Variants in TMEM132D observed in about 807,000 individuals in gnomAD.
The protein encoded by TMEM132D is transmembrane protein 132D.
Under a neutral mutation model 62.3 loss-of-function variants are expected in TMEM132D, and 21 were observed. That is an observed-to-expected ratio of 0.34 (90% confidence interval 0.24 to 0.49). The LOEUF is 0.49. Among genes scored for constraint, TMEM132D ranks in the 20% least tolerant of loss-of-function variants. The probability of loss-of-function intolerance (pLI) is 0.99; values close to 1 mark genes in which losing one functional copy is unlikely to be tolerated. For synonymous variants in TMEM132D, 621 were observed against 575.6 expected, an observed-to-expected ratio of 1.08 and a Z score of -1.13; for missense variants, 1,346 against 1,402.8, an observed-to-expected ratio of 0.96 and a Z score of 0.65.
chr12:129,899,194 T>C (rs576400946), intron 1 of TMEM132D, among the ~76,000 whole-genome samples: 1 of 133,432 alleles, frequency 7.5e-6, no homozygotes, highest in Non-Finnish European at 1.6e-5. Context: ...GATGGAATGA[T>C]GAATGAATGG....
chr12:129,090,129 C>A (rs1366213490), intron 5 of TMEM132D, among the ~76,000 whole-genome samples: 1 of 152,172 alleles, frequency 6.6e-6, no homozygotes, highest in Non-Finnish European at 1.5e-5. Flanking sequence ...TGAGGAGAAA[C>A]GTGGGCCCAG....
At chr12:129,159,369 A>G (rs111390874) in intron 5 of TMEM132D, among the ~76,000 whole-genome samples, 2,653 of 152,330 alleles carry the variant, frequency 0.017, 30 homozygotes, top group Non-Finnish European at 0.025. Context: ...TAGAAAGTCA[A>G]TTCATTTTTT....
intron 1 of TMEM132D, among the ~76,000 whole-genome samples, chr12:129,771,804 C>A (rs182861039): frequency 1.7e-3 from 257 of 152,338 alleles, no homozygotes; most frequent in African/African-American, 5.9e-3. Flanking sequence ...ACCTGTCAAT[C>A]ATATTCACAC....
chr12:129,750,333 C>T (rs565864555), intron 1 of TMEM132D, among the ~76,000 whole-genome samples: 2 of 152,272 alleles, frequency 1.3e-5, no homozygotes, highest in East Asian at 3.9e-4. Context: ...ATCTGGCCTG[C>T]CTCGGCCTCC....
intron 5 of TMEM132D, among the ~76,000 whole-genome samples, chr12:129,161,061 G>A (rs942245595): frequency 6.6e-6 from 1 of 152,100 alleles, no homozygotes; most frequent in Admixed American, 6.6e-5. Context: ...GAGTAAAAAA[G>A]CAATGTGATA....
chr12:129,100,921 G>A (rs978550382), intron 5 of TMEM132D, among the ~76,000 whole-genome samples: 5 of 152,192 alleles, frequency 3.3e-5, no homozygotes, highest in African/African-American at 7.2e-5. Flanking sequence ...TCTGGGGGTC[G>A]GTGGCAGGGA....
intron 3 of TMEM132D, among the ~76,000 whole-genome samples, chr12:129,441,344 G>C (rs149508133): frequency 1.3e-5 from 2 of 152,118 alleles, no homozygotes; most frequent in African/African-American, 4.8e-5. Flanking sequence ...GGTGTTGCCC[G>C]CACGGTATGA....
intron 2 of TMEM132D, among the ~76,000 whole-genome samples, chr12:129,610,108 A>G (rs1878729936): frequency 6.6e-6 from 1 of 152,082 alleles, no homozygotes. Flanking sequence ...CGTCTCTACT[A>G]AAAAATACAA....
At chr12:129,621,959 C>T (rs766031184) in intron 2 of TMEM132D, among the ~76,000 whole-genome samples, 1 of 152,158 alleles carries the variant, frequency 6.6e-6, no homozygotes, top group African/African-American at 2.4e-5. Flanking sequence ...CTGTTCTCTC[C>T]CTAGCGCCCA....
chr12:129,247,419 A>G (rs1200648170), intron 4 of TMEM132D, among the ~76,000 whole-genome samples: 1 of 152,178 alleles, frequency 6.6e-6, no homozygotes, highest in African/African-American at 2.4e-5. Context: ...ACGACAGTCT[A>G]TCTACCGTGG....
rs1371785364 is a variant in TMEM132D, at chr12:129,903,937, G to T, written c.-598C>A. On this transcript the variant is annotated 5_prime_UTR_variant, in exon 1 of 9. Transcript: ENST00000422113. The surrounding 1 kb of genome is among the most constrained non-coding windows in gnomAD (Gnocchi z 6.2). ...CGCGCTCCGGCACCCAAAGTTTGGC[G>T]GGTGCGGCTGCTCCCCGGCCGCCGC... Among the ~76,000 whole-genome samples, 9 of 148,032 alleles carry T rather than the reference G, an allele frequency of 6.1e-5. No individual in the cohort carries two copies. In the East Asian group the frequency reaches 1.2e-3, roughly 19 times the overall value.
intron 1 of TMEM132D, among the ~76,000 whole-genome samples, chr12:129,825,144 G>C (rs887865112): frequency 6.6e-6 from 1 of 151,292 alleles, no homozygotes; most frequent in African/African-American, 2.4e-5. Flanking sequence ...CTCCCAAGTA[G>C]CTGGGATTAC....
intron 1 of TMEM132D, among the ~76,000 whole-genome samples, chr12:129,778,114 C>CAAAAA (rs35384142): frequency 3.5e-5 from 3 of 85,334 alleles, no homozygotes; most frequent in East Asian, 3.6e-4. Context: ...GACCCTGTCT[C>CAAAAA]AAAAAAAAAA....
chr12:129,478,244 A>C (rs914787608), intron 3 of TMEM132D, among the ~76,000 whole-genome samples: 2 of 152,198 alleles, frequency 1.3e-5, no homozygotes, highest in Non-Finnish European at 2.9e-5. Context: ...GTGGTGAGTG[A>C]ATGTGAGGGC....
intron 3 of TMEM132D, among the ~76,000 whole-genome samples, chr12:129,487,033 G>C (rs375977502): frequency 1.2e-4 from 18 of 145,456 alleles, no homozygotes; most frequent in African/African-American, 2.4e-4. Flanking sequence ...TTTGCGTATG[G>C]GGGGGGGGGT....
At chr12:129,311,116 T>C (rs1881962964) in intron 4 of TMEM132D, among the ~76,000 whole-genome samples, 2 of 105,222 alleles carry the variant, frequency 1.9e-5, no homozygotes, top group Non-Finnish European at 3.5e-5. Context: ...GAGAATGGCG[T>C]GAACCCGGGA....
rs1429341762 is a variant in TMEM132D at position 129,742,999 on chromosome 12, G to C, written c.80-42301C>G. 3.9e-5 allele frequency among the ~76,000 whole-genome samples: 6 copies of C among 152,220 alleles called. No individual in the cohort carries two copies. The East Asian group carries it at 1.2e-3, about 29-fold the overall frequency. On this transcript the variant is annotated intron_variant, in intron 1 of 8. Transcript: ENST00000422113. ...TCTAAATTGACTGAAGATCCACTGG[G>C]GGAATCACACTGTGTAAGGGTCTCA...
At chr12:129,097,420 C>T (rs1307660342) in intron 5 of TMEM132D, among the ~76,000 whole-genome samples, 3 of 152,148 alleles carry the variant, frequency 2.0e-5, no homozygotes, top group African/African-American at 4.8e-5. Flanking sequence ...GTTTCTTTTT[C>T]TTTCTTAAAA....
chr12:129,280,181 A>G lies in TMEM132D; in HGVS notation c.1299+57453T>C, dbSNP rs141795642. 4.2e-3 allele frequency among the ~76,000 whole-genome samples: 642 copies of G among 152,324 alleles called. 9 individuals carry two copies. Among genetic ancestry groups the G allele is most frequent in the African/African-American group, 0.014 (596 of 41,566 alleles). ...CTGAATATAGAGGAAAGAAAGTGAA[A>G]TACACATAGTACAGGAGAGATAGAA... On this transcript the variant is annotated intron_variant, in intron 4 of 8. Coordinates refer to ENST00000422113, the MANE Select transcript of TMEM132D (RefSeq NM_133448.3).
Sources: allele counts gnomAD v4.1 joint callset (sites outside exome capture counted in the v4.1 genomes callset), GRCh38; gene constraint gnomAD v4.1.1; non-coding constraint Gnocchi (gnomAD v3.1); transcripts MANE v1.5; gene names NCBI Gene and HGNC (gene_info 2026-07-23, HGNC 2026-07-21).